TEX10: variants seen among roughly 807,000 people sequenced by gnomAD.
TEX10 encodes the protein testis-expressed protein 10.
Under a neutral mutation model 104.4 loss-of-function variants are expected in TEX10, and 24 were observed. The observed-to-expected ratio is 0.23, with a 90% CI of 0.17 to 0.32. TEX10 has a LOEUF of 0.32. Among genes scored for constraint, TEX10 ranks in the 10% least tolerant of loss-of-function variants. The pLI, the probability that TEX10 is intolerant of heterozygous loss-of-function variation, is 1.00. For missense variants in TEX10, 921 were observed against 1,083.9 expected (o/e 0.85, Z 2.11); for synonymous variants, 396 against 393.4 (o/e 1.01, Z -0.08).
chr9:100,312,365 G>T (rs561705283), intron 11 of TEX10, among the ~76,000 whole-genome samples: 5 of 152,230 alleles, frequency 3.3e-5, no homozygotes, highest in Non-Finnish European at 7.4e-5. Context: ...TGAGAGGGGT[G>T]GCAGCAAAGG....
At chr9:100,352,321 T>A in intron 1 of TEX10, 1 of 1,546,638 alleles carries the variant, frequency 6.5e-7, no homozygotes, top group South Asian at 1.2e-5. Context: ...TTCCGCTCGC[T>A]TAACTCTCCC....
At chr9:100,316,910 A>AAAAAAAAAC (rs1564205987) in intron 11 of TEX10, among the ~76,000 whole-genome samples, 25 of 145,968 alleles carry the variant, frequency 1.7e-4, no homozygotes, top group Non-Finnish European at 2.4e-4. Context: ...AAAAAAAAAA[A>AAAAAAAAAC]AAAAAACCTA....
Position 100,349,402 on chromosome 9 carries a change from T to C in TEX10, c.-9-30A>G, listed in dbSNP as rs374338526. ...AATGAAAAGAATTAATTAAAAGCAA[T>C]GGATAGAGACAAGAATAAATTATGA... is the stretch of plus-strand genomic sequence containing the variant. On this transcript the variant is annotated intron_variant, in intron 1 of 14. Transcript: ENST00000374902. 2.8e-6 allele frequency: 4 copies of C among 1,441,308 alleles called. No homozygotes were observed. The African/African-American group carries it at 4.3e-5, about 16-fold the overall frequency. 89.3% of individuals were successfully genotyped at this position (1,441,308 alleles called of 1,614,324 possible).
At chr9:100,325,056 TTC>T (rs771255789) in intron 9 of TEX10, among the ~76,000 whole-genome samples, 42 of 152,350 alleles carry the variant, frequency 2.8e-4, no homozygotes, top group South Asian at 8.3e-4. Flanking sequence ...TTATATGTTT[TTC>T]TCTGTTTTGG....
At chr9:100,352,504 A>G in intron 1 of TEX10, 1 of 1,550,714 alleles carries the variant, frequency 6.4e-7, no homozygotes, top group Admixed American at 2.0e-5. Context: ...CGATTCACAC[A>G]CTCCGGGCTA....
chr9:100,349,632 A>G (rs1835392001), intron 1 of TEX10, among the ~76,000 whole-genome samples: 1 of 150,372 alleles, frequency 6.7e-6, no homozygotes, highest in Non-Finnish European at 1.5e-5. Flanking sequence ...GTCAAGCTAT[A>G]TGCTAAAGGG....
rs544715071 is a variant in TEX10, at chr9:100,347,166, C to A, written c.421G>T (p.Val141Leu). Residue 141 changes from valine (V) to leucine (L), a missense_variant, in exon 3 of 15, where the codon GTA (valine) becomes TTA (leucine). By Grantham distance (32) the Val-to-Leu change is conservative. Transcript: ENST00000374902. ...ATGGCACTAGAGAGATGGGCACTTA[C>A]CAAAGGAAAAAATGGAGAAATTTGT... Reference protein sequence around the residue: ...AEQISPFFPLVSAHLSSAMTH... With the variant: ...AEQISPFFPLLSAHLSSAMTH... 4 of 1,613,824 alleles carry A rather than the reference C, an allele frequency of 2.5e-6. No individual in the cohort carries two copies. The South Asian group carries it at 4.4e-5, about 18-fold the overall frequency.
intron 4 of TEX10, among the ~76,000 whole-genome samples, chr9:100,341,737 G>A (rs763930054): frequency 1.3e-5 from 2 of 152,040 alleles, no homozygotes; most frequent in African/African-American, 2.4e-5. Context: ...AACATAAATC[G>A]TGTTTCAAAA....
intron 13 of TEX10, chr9:100,307,261 C>T (rs1421702413): frequency 3.3e-5 from 5 of 152,174 alleles, no homozygotes; most frequent in South Asian, 4.1e-4. Context: ...AAATCCAGCC[C>T]ATGGTAAGTA....
chr9:100,322,392 G>A (rs1393510293), intron 9 of TEX10, among the ~76,000 whole-genome samples: 2 of 152,140 alleles, frequency 1.3e-5, no homozygotes, highest in African/African-American at 4.8e-5. Context: ...TATGAGATCA[G>A]TTTCTAGTGT....
At chr9:100,316,735 A>G (rs1834427060) in intron 11 of TEX10, among the ~76,000 whole-genome samples, 1 of 152,198 alleles carries the variant, frequency 6.6e-6, no homozygotes, top group South Asian at 2.1e-4. Context: ...CCAAGTAGCT[A>G]GTACTACAGG....
chr9:100,340,148 A>T, intron 5 of TEX10, 109 bp downstream of exon 5: 1 of 549,372 alleles, frequency 1.8e-6, no homozygotes, highest in Non-Finnish European at 3.0e-6. Context: ...CAAAATCTAG[A>T]CATAAATACA....
chr9:100,349,762 C>G (rs190742365), intron 1 of TEX10, among the ~76,000 whole-genome samples: 1 of 151,950 alleles, frequency 6.6e-6, no homozygotes. Flanking sequence ...GTAAGAGCCT[C>G]GGAGGAACTT....
intron 6 of TEX10, 43 bp from the exon 7 acceptor site, chr9:100,329,318 G>C (rs1426736116): frequency 6.4e-7 from 1 of 1,574,016 alleles, no homozygotes. Context: ...ATCAAAAAAT[G>C]TTTAACAGCC....
At chr9:100,306,917 C>T (rs1392859646) in intron 13 of TEX10, 1 of 152,164 alleles carries the variant, frequency 6.6e-6, no homozygotes, top group African/African-American at 2.4e-5. Flanking sequence ...AGGGGCCATA[C>T]TTCAAGTGAC....
intron 7 of TEX10, among the ~76,000 whole-genome samples, chr9:100,328,746 T>C (rs1357474154): frequency 6.6e-6 from 1 of 152,212 alleles, no homozygotes; most frequent in African/African-American, 2.4e-5. Context: ...CTGATAGCAC[T>C]AAACTAAGCC....
At chr9:100,338,458 C>T in intron 5 of TEX10, among the ~76,000 whole-genome samples, 1 of 152,190 alleles carries the variant, frequency 6.6e-6, no homozygotes, top group East Asian at 1.9e-4. Context: ...GTTTTGGCTC[C>T]CTTCCTCCAA....
In TEX10 at chr9:100,349,373, C is replaced by T. The variant is rs1255315356; in HGVS notation, c.-9-1G>A. The stretch of plus-strand genomic sequence containing the variant: ...TTCTTTTTTTAGTCATTCTCGACTA[C>T]TATAATGAAAAGAATTAATTAAAAG... On this transcript the variant is annotated splice_acceptor_variant, in intron 1 of 14. Transcript: ENST00000374902. LOFTEE classifies it low-confidence loss of function (5UTR_SPLICE). The T allele has an allele frequency of 1.0e-5, 16 of 1,544,188 alleles. No individual in the cohort carries two copies. Among genetic ancestry groups the T allele is most frequent in the African/African-American group, 1.4e-5 (1 of 71,922 alleles).
chr9:100,332,302 G>A (rs1166659163), intron 5 of TEX10, among the ~76,000 whole-genome samples: 2 of 152,198 alleles, frequency 1.3e-5, no homozygotes, highest in African/African-American at 4.8e-5. Context: ...TTCCCCACAG[G>A]TAGAGCTTTG....
Sources: gnomAD v4.1 joint callset for allele counts (sites outside exome capture counted in the v4.1 genomes callset) on GRCh38, gnomAD v4.1.1 for gene constraint, MANE v1.5 for transcripts, NCBI Gene and HGNC (gene_info 2026-07-23, HGNC 2026-07-21) for gene names.